The following BNIP5 variants were observed in gnomAD, a reference collection of about 807,000 sequenced individuals.
BNIP5 encodes BCL2 interacting protein 5.
In BNIP5, 61 loss-of-function variants were observed where a neutral mutation model predicts 67.3. The ratio of observed to expected loss-of-function variants is 0.91; its 90% CI spans 0.74 to 1.12. The LOEUF (loss-of-function observed/expected upper bound fraction) is 1.12, where lower values mean the gene tolerates loss of function less well. BNIP5 is among the 50% of genes most tolerant of loss of function. The pLI is 0.00. For synonymous variants in BNIP5, 317 were observed against 319.0 expected, an observed-to-expected ratio of 0.99 and a Z score of 0.07; for missense variants, 826 against 816.3, an observed-to-expected ratio of 1.01 and a Z score of -0.14.
At chr6:36,319,269 G>A (rs1473616360) in intron 11 of BNIP5, 87 bp downstream of exon 11, 19 of 1,512,766 alleles carry the variant, frequency 1.3e-5, no homozygotes, top group Middle Eastern at 2.4e-4. Flanking sequence ...GGAGGGGAGA[G>A]GAGGATAAGT....
chr6:36,322,449 C>A lies in BNIP5; in HGVS notation c.1472-7G>T. The A allele has an allele frequency of 6.2e-7, 1 of 1,607,244 alleles. No homozygotes were observed. The highest frequency in any genetic ancestry group is 1.7e-5 in the Admixed American group (1 of 58,168). ...CACTCGAGATCTTCTGGATCTAGGG[C>A]AAAAAAAGAGTTGTTGAGTGTTTTG... is the stretch of plus-strand genomic sequence containing the variant. On this transcript the variant is annotated splice_polypyrimidine_tract_variant and splice_region_variant and intron_variant, in intron 8 of 11. Transcript: ENST00000437635.
In BNIP5 at chr6:36,316,825, A is replaced by T; in HGVS notation, c.*531T>A. The T allele has an allele frequency of 2.5e-6, 1 of 400,036 alleles. No homozygotes were observed. Among genetic ancestry groups the T allele is most frequent in the East Asian group, 3.6e-5 (1 of 28,104 alleles). The allele number at this position is 400,036 out of a possible 1,614,324, so 24.8% of individuals were successfully genotyped here. A position where few individuals can be genotyped will look rare whatever the true frequency, so the allele number is the denominator to read the frequency against. Reference sequence around the variant, plus strand: ...CTAGGTTTTTCCATCTTGGGCCTGCAGAGTTCCTGGGAGGCATCTACAAAT... The same window carrying T: ...CTAGGTTTTTCCATCTTGGGCCTGCTGAGTTCCTGGGAGGCATCTACAAAT... On this transcript the variant is annotated 3_prime_UTR_variant, in exon 12 of 12. Transcript: ENST00000437635.
chr6:36,327,771 G>A (rs1413397035), intron 3 of BNIP5, among the ~76,000 whole-genome samples: 2 of 151,906 alleles, frequency 1.3e-5, no homozygotes, highest in African/African-American at 4.8e-5. Flanking sequence ...CTAGGTGCCA[G>A]CTGATGAGTT....
chr6:36,330,027 A>G (rs1397107195), intron 2 of BNIP5, 54 bp downstream of exon 2: 1 of 1,512,248 alleles, frequency 6.6e-7, no homozygotes, highest in East Asian at 2.3e-5. Context: ...AGGCTCCTGG[A>G]GCAAGTTTAG....
chr6:36,329,909 G>C (rs1236068325), intron 2 of BNIP5, among the ~76,000 whole-genome samples, 172 bp downstream of exon 2: 1 of 150,844 alleles, frequency 6.6e-6, no homozygotes, highest in Admixed American at 6.6e-5. Flanking sequence ...AGGAAGGAAG[G>C]AAGGAAAGAA....
intron 1 of BNIP5, among the ~76,000 whole-genome samples, chr6:36,335,283 C>T (rs148478074): frequency 2.7e-4 from 41 of 152,304 alleles, no homozygotes; most frequent in African/African-American, 8.9e-4. Context: ...GAGATAACTT[C>T]GCGGCTCCCC....
intron 1 of BNIP5, among the ~76,000 whole-genome samples, chr6:36,331,356 G>A (rs189484630): frequency 1.2e-3 from 176 of 152,296 alleles, no homozygotes; most frequent in Admixed American, 3.8e-3. Flanking sequence ...TTAGTCTATC[G>A]AGACTGATGT....
In BNIP5 at chr6:36,334,591, CG is replaced by C. The variant is rs560854624; in HGVS notation, c.-5+2120del. Reference sequence around the variant, plus strand: ...AGCTCTAGGCCAGGGATTGAGACAGCGCGGCTGACTGGGGAAGACACACCCA... The same window carrying C: ...AGCTCTAGGCCAGGGATTGAGACAGCCGGCTGACTGGGGAAGACACACCCA... On this transcript the variant is annotated intron_variant, in intron 1 of 11. Coordinates refer to ENST00000437635, the MANE Select transcript of BNIP5 (RefSeq NM_001010903.5). 1.9e-3 allele frequency among the ~76,000 whole-genome samples: 286 copies of C among 152,268 alleles called. 1 individual carries two copies. Among genetic ancestry groups the C allele is most frequent in the African/African-American group, 6.6e-3 (274 of 41,540 alleles).
intron 8 of BNIP5, 39 bp from the exon 9 acceptor site, chr6:36,322,481 G>A (rs1430605963): frequency 1.4e-5 from 22 of 1,590,200 alleles, no homozygotes; most frequent in Non-Finnish European, 1.8e-5. Flanking sequence ...TTTGCAGAGA[G>A]CTGAATCTAG....
chr6:36,332,382 G>A (rs971670809), intron 1 of BNIP5, among the ~76,000 whole-genome samples: 13 of 151,204 alleles, frequency 8.6e-5, no homozygotes, highest in Admixed American at 2.6e-4. Flanking sequence ...CCTACCCTAC[G>A]GCCTGGTGGT....
intron 11 of BNIP5, among the ~76,000 whole-genome samples, chr6:36,318,547 CAA>C (rs77618541): frequency 2.4e-4 from 31 of 130,058 alleles, no homozygotes; most frequent in Admixed American, 3.1e-4. Flanking sequence ...ATCTCTATAC[CAA>C]AAAAAAAAAA....
At chr6:36,321,118 C>G (rs748875944) in intron 10 of BNIP5, 37 bp downstream of exon 10, 13 of 1,359,866 alleles carry the variant, frequency 9.6e-6, no homozygotes, top group Non-Finnish European at 1.3e-5. Context: ...TAGATGAGGC[C>G]CTGGGGTTGG....
chr6:36,316,400 C>A lies in BNIP5; in HGVS notation c.*956G>T, dbSNP rs927772621. 7.5e-6 allele frequency: 3 copies of A among 397,754 alleles called. No homozygotes were observed. The highest frequency in any genetic ancestry group is 1.3e-5 in the Non-Finnish European group (3 of 226,064). 24.6% of individuals were successfully genotyped at this position (397,754 alleles called of 1,614,324 possible). On this transcript the variant is annotated 3_prime_UTR_variant, in exon 12 of 12. Transcript: ENST00000437635. ...GAGCCTCTGGCACCCCCACACTTCA[C>A]CTTTGTGCAAATACAAAAAATAGCC...
intron 1 of BNIP5, among the ~76,000 whole-genome samples, chr6:36,332,438 C>T (rs1771928806): frequency 1.3e-5 from 2 of 152,180 alleles, no homozygotes; most frequent in African/African-American, 4.8e-5. Flanking sequence ...CTGTCTGAGT[C>T]TCTCTCCATC....
rs895696265 is a variant in BNIP5 at position 36,326,364 on chromosome 6, C to G, written c.1036+146G>C. The G allele has an allele frequency of 5.9e-6, 6 of 1,019,178 alleles. No homozygotes were observed. The African/African-American group carries it at 8.1e-5, about 14-fold the overall frequency. The allele number at this position is 1,019,178 out of a possible 1,614,324, so 63.1% of individuals were successfully genotyped here. On this transcript the variant is annotated intron_variant, in intron 5 of 11. Coordinates refer to ENST00000437635, the MANE Select transcript of BNIP5 (RefSeq NM_001010903.5). ...TGCTGGCATTCTTTCTGTCTTCCCA[C>G]AGTCATCCTCACACCACTCAGGGCA...
Position 36,324,110 on chromosome 6 carries a change from TG to T in BNIP5, c.1230+18del, listed in dbSNP as rs1485801532. 3 of 1,605,678 alleles carry T rather than the reference TG, an allele frequency of 1.9e-6. No individual in the cohort carries two copies. Among genetic ancestry groups the T allele is most frequent in the East Asian group, 4.5e-5 (2 of 44,806 alleles). On this transcript the variant is annotated intron_variant, in intron 7 of 11. Transcript: ENST00000437635. ...AGCCCACAGTGAGGTCAGGGTTACA[TG>T]GGGAGCGTCTTCCTCACCTCCTCTC...
At position 36,316,958 on chromosome 6, in the gene BNIP5, A is replaced by G. The variant is rs1362648138; in HGVS notation, c.*398T>C. 1 of 424,152 alleles carries G rather than the reference A, an allele frequency of 2.4e-6. No homozygotes were observed. Among genetic ancestry groups the G allele is most frequent in the African/African-American group, 2.0e-5 (1 of 49,194 alleles). The allele number at this position is 424,152 out of a possible 1,614,324, so 26.3% of individuals were successfully genotyped here. ...TGTTCTGTTTAGAGATTAAATAAAA[A>G]TTTAGTTTAAAAACTAGACTCAGTT... On this transcript the variant is annotated 3_prime_UTR_variant, in exon 12 of 12. Transcript: ENST00000437635.
intron 4 of BNIP5, 101 bp from the exon 5 acceptor site, chr6:36,326,854 AGAGAGGG>A (rs1376799664): frequency 3.0e-5 from 47 of 1,542,000 alleles, no homozygotes; most frequent in African/African-American, 4.1e-5. Flanking sequence ...GATGGCCCCG[AGAGAGGG>A]GAGGCAGCAG....
rs140796295 is a variant in BNIP5 at position 36,326,628 on chromosome 6, G to A, written c.918C>T (p.Ser306=). ...CTGCAGCCCCCCTCTTGGCCTCCTC[G>A]GAGCCGTGTTTCTTGGGGTTTGTCT... ...TSKTNPKKHG[S]EEAKRGAADV... is the part of the protein sequence containing the mutation. The change falls in exon 5 of 12, where the codon TCC becomes TCT. Residue 306 remains serine (S), a synonymous_variant. Transcript: ENST00000437635. 8.2e-5 allele frequency: 132 copies of A among 1,614,262 alleles called. No individual in the cohort carries two copies. Among genetic ancestry groups the A allele is most frequent in the Non-Finnish European group, 1.1e-4 (125 of 1,180,042 alleles).
Sources: allele counts gnomAD v4.1 joint callset (sites outside exome capture counted in the v4.1 genomes callset), GRCh38; gene constraint gnomAD v4.1.1; transcripts MANE v1.5; gene names NCBI Gene and HGNC (gene_info 2026-07-23, HGNC 2026-07-21).